EPHA3: variants seen among roughly 807,000 people sequenced by gnomAD.
EPHA3 encodes the protein EPH receptor A3.
Under a neutral mutation model 107.1 loss-of-function variants are expected in EPHA3, and 42 were observed. The ratio of observed to expected loss-of-function variants is 0.39; its 90% CI spans 0.31 to 0.51. The LOEUF (loss-of-function observed/expected upper bound fraction) is 0.51. EPHA3 is among the 20% of genes least tolerant of loss of function. The pLI is 0.78. For missense variants in EPHA3, 1,183 were observed against 1,211.2 expected (o/e 0.98, Z 0.35); for synonymous variants, 461 against 424.8 (o/e 1.09, Z -1.05).
intron 2 of EPHA3, among the ~76,000 whole-genome samples, chr3:89,188,225 A>G (rs1156343045): frequency 6.6e-6 from 1 of 152,168 alleles, no homozygotes; most frequent in African/African-American, 2.4e-5. Flanking sequence ...GATGAAACAC[A>G]TCCAGATAAA....
intron 2 of EPHA3, among the ~76,000 whole-genome samples, chr3:89,208,175 C>T (rs1706153347): frequency 1.3e-5 from 2 of 151,606 alleles, no homozygotes; most frequent in African/African-American, 4.8e-5. Flanking sequence ...AGTTCAAGAT[C>T]ACTGGCCAAC....
intron 3 of EPHA3, among the ~76,000 whole-genome samples, chr3:89,316,590 A>G (rs1706912755): frequency 6.8e-6 from 1 of 147,842 alleles, no homozygotes. Flanking sequence ...GATTAATCAC[A>G]AAGCACTTCT....
At chr3:89,363,054 A>G (rs1708124553) in intron 5 of EPHA3, among the ~76,000 whole-genome samples, 1 of 150,952 alleles carries the variant, frequency 6.6e-6, no homozygotes, top group African/African-American at 2.4e-5. Flanking sequence ...CTAGGTATCT[A>G]TCTACTCTCT....
At chr3:89,455,124 T>C (rs1392132930) in intron 15 of EPHA3, among the ~76,000 whole-genome samples, 1 of 152,240 alleles carries the variant, frequency 6.6e-6, no homozygotes, top group Non-Finnish European at 1.5e-5. Context: ...CTATAGTCAA[T>C]AATACCTTAA....
At chr3:89,375,799 T>A (rs149217985) in intron 5 of EPHA3, among the ~76,000 whole-genome samples, 9 of 151,908 alleles carry the variant, frequency 5.9e-5, no homozygotes, top group Non-Finnish European at 1.0e-4. Context: ...CCATTAGGTA[T>A]CCTGGAAGAG....
chr3:89,142,564 G>A (rs544517447), intron 2 of EPHA3, among the ~76,000 whole-genome samples: 2 of 151,382 alleles, frequency 1.3e-5, no homozygotes, highest in East Asian at 3.9e-4. Context: ...TTTAATTATT[G>A]GTCTTTATTC....
intron 7 of EPHA3, among the ~76,000 whole-genome samples, chr3:89,403,291 C>T (rs1708999621): frequency 1.3e-5 from 2 of 152,138 alleles, no homozygotes; most frequent in South Asian, 4.1e-4. Context: ...CAGGTTTCTA[C>T]ATGACAGTAT....
At chr3:89,213,805 G>A (rs942417467) in intron 3 of EPHA3, among the ~76,000 whole-genome samples, 3 of 151,914 alleles carry the variant, frequency 2.0e-5, no homozygotes, top group African/African-American at 4.8e-5. Context: ...GGCTCACCTC[G>A]TAAAGACTAC....
intron 3 of EPHA3, among the ~76,000 whole-genome samples, chr3:89,259,433 A>G (rs979937867): frequency 6.6e-6 from 1 of 152,244 alleles, no homozygotes; most frequent in East Asian, 1.9e-4. Flanking sequence ...TGCTTGGAAC[A>G]TGCTAGGCGT....
At chr3:89,152,379 C>T (rs940852880) in intron 2 of EPHA3, among the ~76,000 whole-genome samples, 4 of 151,984 alleles carry the variant, frequency 2.6e-5, no homozygotes, top group Admixed American at 1.3e-4. Flanking sequence ...CTGCACAGGC[C>T]TTCTCTTTCC....
intron 3 of EPHA3, among the ~76,000 whole-genome samples, chr3:89,323,645 G>A (rs1245490096): frequency 6.6e-6 from 1 of 151,960 alleles, no homozygotes; most frequent in Non-Finnish European, 1.5e-5. Context: ...TATTTTTGAA[G>A]ACAAGTATCT....
intron 5 of EPHA3, among the ~76,000 whole-genome samples, chr3:89,372,374 C>G (rs963475619): frequency 2.6e-5 from 4 of 151,578 alleles, no homozygotes; most frequent in African/African-American, 9.7e-5. Flanking sequence ...CACCCTCATA[C>G]TTAGGTTCAA....
chr3:89,298,025 A>G (rs1032571154), intron 3 of EPHA3, among the ~76,000 whole-genome samples: 2 of 152,254 alleles, frequency 1.3e-5, no homozygotes, highest in African/African-American at 2.4e-5. Flanking sequence ...ACAAAGCAAG[A>G]CTTCCTCTCA....
At chr3:89,276,514 A>C (rs1412007103) in intron 3 of EPHA3, among the ~76,000 whole-genome samples, 1 of 152,166 alleles carries the variant, frequency 6.6e-6, no homozygotes, top group African/African-American at 2.4e-5. Flanking sequence ...TAGCATTGCA[A>C]GATAACTTGT....
At chr3:89,122,261 T>TTCC (rs1707408237) in intron 1 of EPHA3, among the ~76,000 whole-genome samples, 1 of 152,186 alleles carries the variant, frequency 6.6e-6, no homozygotes, top group African/African-American at 2.4e-5. Flanking sequence ...GTCATTACTC[T>TTCC]TTAGTGAAAA....
At chr3:89,214,620 T>G (rs1704181622) in intron 3 of EPHA3, among the ~76,000 whole-genome samples, 1 of 151,948 alleles carries the variant, frequency 6.6e-6, no homozygotes, top group Middle Eastern at 3.2e-3. Context: ...TTTGTTCAAT[T>G]AAACCTCTAG....
intron 3 of EPHA3, among the ~76,000 whole-genome samples, chr3:89,336,329 C>G (rs1404673345): frequency 6.6e-6 from 1 of 152,134 alleles, no homozygotes; most frequent in East Asian, 1.9e-4. Flanking sequence ...AGATAACACA[C>G]ACACACATTC....
At chr3:89,174,632 T>C (rs1202535584) in intron 2 of EPHA3, among the ~76,000 whole-genome samples, 1 of 151,938 alleles carries the variant, frequency 6.6e-6, no homozygotes, top group Non-Finnish European at 1.5e-5. Context: ...TCAGAATTAT[T>C]ATATCCTTAA....
chr3:89,193,737 TA>T (rs1403529178), intron 2 of EPHA3, among the ~76,000 whole-genome samples: 1 of 152,022 alleles, frequency 6.6e-6, no homozygotes. Context: ...TTTTAAATGA[TA>T]TTGAATAAAC....
Sources: allele counts gnomAD v4.1 joint callset (sites outside exome capture counted in the v4.1 genomes callset), GRCh38; gene constraint gnomAD v4.1.1; transcripts MANE v1.5; gene names NCBI Gene and HGNC (gene_info 2026-07-23, HGNC 2026-07-21).